The following AK5 variants were observed in gnomAD, a reference collection of about 807,000 sequenced individuals.
AK5 encodes the protein adenylate kinase isoenzyme 5.
A neutral mutation model predicts 69.5 loss-of-function variants in AK5; 27 were observed. That is an observed-to-expected ratio of 0.39 (90% CI 0.29 to 0.54). The LOEUF (loss-of-function observed/expected upper bound fraction) is 0.54. Among genes scored for constraint, AK5 ranks in the 20% least tolerant of loss-of-function variants. The probability of loss-of-function intolerance (pLI) is 0.71; values close to 1 mark genes in which losing one functional copy is unlikely to be tolerated. For missense variants in AK5, 531 were observed against 700.4 expected (o/e 0.76, Z 2.73); for synonymous variants, 260 against 244.4 (o/e 1.06, Z -0.60).
At chr1:77,446,714 GTTGTTGT>G (rs1393465737) in intron 8 of AK5, among the ~76,000 whole-genome samples, 1 of 152,054 alleles carries the variant, frequency 6.6e-6, no homozygotes, top group African/African-American at 2.4e-5. Flanking sequence ...TATTGTTGTT[GTTGTTGT>G]TATTGTTCAG....
chr1:77,522,701 CACTCTGGGCCAG>C lies in AK5; in HGVS notation c.1428+760_1428+771del, dbSNP rs545279321. ...CATTGTGGCTGCCACGTATTGAACC[CACTCTGGGCCAG>C]ATCCTGTGCCCACACTTTATAGAGA... On this transcript the variant is annotated intron_variant, in intron 12 of 13. Transcript: ENST00000354567. Among the ~76,000 whole-genome samples the C allele has an allele frequency of 4.1e-4, 62 of 152,256 alleles. 2 individuals are homozygous for C. The East Asian group carries it at 0.01, about 26-fold the overall frequency.
chr1:77,428,218 C>T (rs1247343620), intron 8 of AK5, among the ~76,000 whole-genome samples: 1 of 152,184 alleles, frequency 6.6e-6, no homozygotes, highest in African/African-American at 2.4e-5. Flanking sequence ...TGTAGAGTTG[C>T]TGAGCCCACA....
chr1:77,300,399 G>A (rs965245455), intron 5 of AK5, among the ~76,000 whole-genome samples: 1 of 152,158 alleles, frequency 6.6e-6, no homozygotes, highest in Non-Finnish European at 1.5e-5. Context: ...GAGGTTCTTT[G>A]CCACTGTGGG....
At chr1:77,464,913 C>T (rs982325783) in intron 8 of AK5, among the ~76,000 whole-genome samples, 3 of 152,042 alleles carry the variant, frequency 2.0e-5, no homozygotes, top group African/African-American at 7.3e-5. Context: ...CAAGGGAGAG[C>T]GAATATCCAG....
intron 2 of AK5, among the ~76,000 whole-genome samples, chr1:77,292,787 C>T (rs748003935): frequency 1.3e-4 from 20 of 152,164 alleles, no homozygotes; most frequent in African/African-American, 9.7e-5. Flanking sequence ...AAGTTCAGGT[C>T]CTGCCTCCTT....
intron 6 of AK5, among the ~76,000 whole-genome samples, chr1:77,403,340 C>G (rs1377064029): frequency 1.3e-5 from 2 of 152,064 alleles, no homozygotes; most frequent in Non-Finnish European, 2.9e-5. Context: ...GTTGCCATTG[C>G]TTTTGGTGTT....
intron 2 of AK5, among the ~76,000 whole-genome samples, chr1:77,287,797 G>C (rs114932953): frequency 4.6e-5 from 7 of 152,156 alleles, no homozygotes; most frequent in African/African-American, 1.7e-4. Context: ...GATTGGTTAC[G>C]GTTCAGCATT....
At chr1:77,310,541 G>A (rs921273230) in intron 5 of AK5, among the ~76,000 whole-genome samples, 1 of 151,802 alleles carries the variant, frequency 6.6e-6, no homozygotes, top group East Asian at 1.9e-4. Flanking sequence ...AACCACGCCC[G>A]GCTAATTTTT....
intron 11 of AK5, among the ~76,000 whole-genome samples, chr1:77,519,768 AGTGATGACAACCAGAG>A (rs55798289): frequency 0.17 from 25,572 of 152,128 alleles, 2,421 homozygotes; most frequent in Non-Finnish European, 0.18. Flanking sequence ...GGAGTGTAGC[AGTGATGACAACCAGAG>A]GTCACCCTTG....
intron 8 of AK5, among the ~76,000 whole-genome samples, chr1:77,418,232 C>A (rs1174049432): frequency 1.3e-5 from 2 of 152,194 alleles, no homozygotes; most frequent in Non-Finnish European, 2.9e-5. Flanking sequence ...GAGCAAGTCA[C>A]ATCTTACATG....
intron 10 of AK5, among the ~76,000 whole-genome samples, chr1:77,507,330 C>G (rs760735463): frequency 6.8e-6 from 1 of 146,856 alleles, no homozygotes. Flanking sequence ...TACCAGGACA[C>G]AGTTGGCCCT....
intron 1 of AK5, among the ~76,000 whole-genome samples, chr1:77,286,138 G>A (rs1658334291): frequency 6.6e-6 from 1 of 151,772 alleles, no homozygotes; most frequent in Non-Finnish European, 1.5e-5. Context: ...AAGTTTATTG[G>A]GCACTTACTA....
intron 10 of AK5, among the ~76,000 whole-genome samples, chr1:77,493,256 G>A (rs1404934536): frequency 6.6e-6 from 1 of 152,056 alleles, no homozygotes; most frequent in Non-Finnish European, 1.5e-5. Context: ...CAAAAAGGCC[G>A]AGGAAAGATG....
chr1:77,365,144 T>A (rs549703065), intron 6 of AK5, among the ~76,000 whole-genome samples: 6 of 152,330 alleles, frequency 3.9e-5, no homozygotes, highest in African/African-American at 1.2e-4. Flanking sequence ...TTTTCATATA[T>A]TTGTTGGCCA....
chr1:77,494,192 A>C (rs560328762), intron 10 of AK5, among the ~76,000 whole-genome samples: 232 of 152,366 alleles, frequency 1.5e-3, no homozygotes, highest in Admixed American at 3.0e-3. Flanking sequence ...AATCTTTGGA[A>C]GCACTATTAA....
intron 6 of AK5, among the ~76,000 whole-genome samples, chr1:77,371,670 C>T (rs1275477647): frequency 1.3e-5 from 2 of 152,216 alleles, no homozygotes; most frequent in African/African-American, 4.8e-5. Context: ...TGCTTCTTTA[C>T]AGGCAGAAAT....
chr1:77,283,867 A>C (rs7531431), intron 1 of AK5, among the ~76,000 whole-genome samples: 15,124 of 152,256 alleles, frequency 0.099, 921 homozygotes, highest in East Asian at 0.2. Flanking sequence ...CATTAAAAAC[A>C]TCTGTAGGAG....
chr1:77,460,658 A>G (rs1228249683), intron 8 of AK5, among the ~76,000 whole-genome samples: 1 of 152,236 alleles, frequency 6.6e-6, no homozygotes, highest in East Asian at 1.9e-4. Context: ...CATGGAGGAC[A>G]TGATCTTAAG....
chr1:77,491,664 G>A (rs1570249917), intron 10 of AK5, among the ~76,000 whole-genome samples: 1 of 152,156 alleles, frequency 6.6e-6, no homozygotes, highest in African/African-American at 2.4e-5. Flanking sequence ...TGATGGAATT[G>A]ACCCACGTAT....
Sources: allele counts gnomAD v4.1 joint callset (sites outside exome capture counted in the v4.1 genomes callset), GRCh38; gene constraint gnomAD v4.1.1; transcripts MANE v1.5; gene names NCBI Gene and HGNC (gene_info 2026-07-23, HGNC 2026-07-21).